The following MYO3B variants were observed in gnomAD, a reference collection of about 807,000 sequenced individuals.
MYO3B encodes myosin-IIIb.
MYO3B carries 156 observed loss-of-function variants against 174.6 expected under a neutral mutation model. That is an observed-to-expected ratio of 0.89 (90% CI 0.78 to 1.02). The LOEUF (loss-of-function observed/expected upper bound fraction) is 1.02. MYO3B is among the 50% of genes least tolerant of loss of function. The pLI is 0.00. For synonymous variants in MYO3B, 563 were observed against 569.1 expected (o/e 0.99, Z 0.15); for missense variants, 1,632 against 1,639.4 (o/e 1.00, Z 0.08).
intron 32 of MYO3B, chr2:170,602,306 G>A: frequency 1.4e-6 from 1 of 714,262 alleles, no homozygotes. Context: ...CACTGTCTCT[G>A]TGGAGCTCAA....
At chr2:170,251,118 C>G in intron 7 of MYO3B, among the ~76,000 whole-genome samples, 1 of 152,126 alleles carries the variant, frequency 6.6e-6, no homozygotes, top group East Asian at 1.9e-4. Flanking sequence ...ATTTCCCTGT[C>G]TCCTGTCCGT....
At chr2:170,501,123 T>A (rs1687244497) in intron 27 of MYO3B, among the ~76,000 whole-genome samples, 1 of 152,138 alleles carries the variant, frequency 6.6e-6, no homozygotes, top group African/African-American at 2.4e-5. Context: ...GGTGGCTTAA[T>A]GCCCCAGTTT....
intron 25 of MYO3B, among the ~76,000 whole-genome samples, chr2:170,484,145 C>G (rs112720676): frequency 1.3e-5 from 2 of 152,252 alleles, no homozygotes; most frequent in Non-Finnish European, 1.5e-5. Flanking sequence ...TATTGAGAAC[C>G]TACTGATGGT....
intron 30 of MYO3B, among the ~76,000 whole-genome samples, chr2:170,536,062 T>G (rs1469491127): frequency 6.6e-6 from 1 of 152,154 alleles, no homozygotes; most frequent in Non-Finnish European, 1.5e-5. Flanking sequence ...ACCTTAGACT[T>G]TTACACAGTG....
chr2:170,404,748 A>C (rs964200185), intron 20 of MYO3B, among the ~76,000 whole-genome samples: 1 of 151,588 alleles, frequency 6.6e-6, no homozygotes, highest in African/African-American at 2.4e-5. Flanking sequence ...CTGTACCCCC[A>C]TCCACCTCTA....
At chr2:170,462,457 C>T (rs1352161928) in intron 23 of MYO3B, among the ~76,000 whole-genome samples, 1 of 152,232 alleles carries the variant, frequency 6.6e-6, no homozygotes, top group African/African-American at 2.4e-5. Flanking sequence ...TTCACCCCTC[C>T]TAACTCTCAC....
intron 32 of MYO3B, chr2:170,650,019 CTTTTTTTTTTTTTT>C (rs1017785949): frequency 1.5e-5 from 1 of 65,616 alleles, no homozygotes; most frequent in African/African-American, 6.5e-5. Flanking sequence ...ATGTGATAGT[CTTTTTTTTTTTTTT>C]TTTTTTTTTT....
chr2:170,358,134 G>A (rs1477846192), intron 8 of MYO3B, among the ~76,000 whole-genome samples: 6 of 149,430 alleles, frequency 4.0e-5, no homozygotes, highest in Non-Finnish European at 7.4e-5. Flanking sequence ...CCTGGGCAAC[G>A]AGAGTGAAAC....
At chr2:170,608,121 G>A (rs1400076768) in intron 32 of MYO3B, among the ~76,000 whole-genome samples, 2 of 152,176 alleles carry the variant, frequency 1.3e-5, no homozygotes, top group African/African-American at 4.8e-5. Flanking sequence ...GTGATGTAAA[G>A]AATAGTTACA....
At chr2:170,554,040 A>G (rs1691112845) in intron 32 of MYO3B, among the ~76,000 whole-genome samples, 2 of 151,914 alleles carry the variant, frequency 1.3e-5, no homozygotes, top group South Asian at 4.2e-4. Context: ...AGTCAATTTC[A>G]CCTCTTTTCT....
At chr2:170,516,314 C>T (rs553131183) in intron 29 of MYO3B, among the ~76,000 whole-genome samples, 310 of 150,254 alleles carry the variant, frequency 2.1e-3, no homozygotes, top group Non-Finnish European at 3.4e-3. Context: ...TTTTTTTTTT[C>T]TGACAGGCAG....
At chr2:170,583,812 A>G (rs959762749) in intron 32 of MYO3B, among the ~76,000 whole-genome samples, 1 of 152,220 alleles carries the variant, frequency 6.6e-6, no homozygotes, top group African/African-American at 2.4e-5. Context: ...ACAGCTGGCA[A>G]ATAGTACATT....
At chr2:170,547,984 G>A (rs767809610) in intron 32 of MYO3B, among the ~76,000 whole-genome samples, 2 of 151,908 alleles carry the variant, frequency 1.3e-5, no homozygotes, top group Non-Finnish European at 2.9e-5. Flanking sequence ...GCAGGCGCCT[G>A]TAGTCCCAGC....
chr2:170,205,487 G>T (rs1210178519), intron 3 of MYO3B, among the ~76,000 whole-genome samples: 1 of 152,250 alleles, frequency 6.6e-6, no homozygotes, highest in East Asian at 1.9e-4. Flanking sequence ...GGTGGGGAGT[G>T]GTCCTGATGA....
intron 1 of MYO3B, among the ~76,000 whole-genome samples, chr2:170,178,783 C>T (rs2092363467): frequency 6.6e-6 from 1 of 152,152 alleles, no homozygotes. Context: ...AGATAAATTT[C>T]CTCATGCTTT....
At chr2:170,459,660 C>G (rs536058683) in intron 23 of MYO3B, among the ~76,000 whole-genome samples, 1 of 152,098 alleles carries the variant, frequency 6.6e-6, no homozygotes, top group Non-Finnish European at 1.5e-5. Context: ...GTCATGGGAC[C>G]GGGCGCCATG....
chr2:170,403,060 T>G, intron 19 of MYO3B, 65 bp downstream of exon 19: 1 of 1,486,572 alleles, frequency 6.7e-7, no homozygotes, highest in Non-Finnish European at 9.1e-7. Flanking sequence ...TGCCCACAAT[T>G]TGTAGCAGAA....
intron 7 of MYO3B, among the ~76,000 whole-genome samples, chr2:170,253,817 G>A (rs2093278166): frequency 6.9e-6 from 1 of 145,780 alleles, no homozygotes; most frequent in South Asian, 2.3e-4. Flanking sequence ...GCAAGGTGAA[G>A]ACTGAGATTT....
chr2:170,358,161 AAAC>A (rs2094136709), intron 8 of MYO3B, among the ~76,000 whole-genome samples: 1 of 152,072 alleles, frequency 6.6e-6, no homozygotes, highest in Non-Finnish European at 1.5e-5. Flanking sequence ...TCAAAAAAAA[AAAC>A]AAAAAAACAA....
Sources: gnomAD v4.1 joint callset for allele counts (sites outside exome capture counted in the v4.1 genomes callset) on GRCh38, gnomAD v4.1.1 for gene constraint, MANE v1.5 for transcripts, NCBI Gene and HGNC (gene_info 2026-07-23, HGNC 2026-07-21) for gene names.